Variants in CFAP44 observed in about 807,000 individuals in gnomAD.
CFAP44 encodes the protein cilia and flagella associated protein 44, also known as cilia- and flagella-associated protein 44.
Under a neutral mutation model 216.2 loss-of-function variants are expected in CFAP44, and 134 were observed. The ratio of observed to expected loss-of-function variants is 0.62; its 90% confidence interval spans 0.54 to 0.72. The LOEUF is 0.72. Among genes scored for constraint, CFAP44 ranks in the 30% least tolerant of loss-of-function variants. CFAP44 has a pLI of 0.00. For missense variants in CFAP44, 2,035 were observed against 2,182.1 expected (o/e 0.93, Z 1.34); for synonymous variants, 700 against 727.6 (o/e 0.96, Z 0.61).
At chr3:113,326,394 T>G in intron 28 of CFAP44, 51 bp downstream of exon 28, 1 of 1,426,502 alleles carries the variant, frequency 7.0e-7, no homozygotes, top group Non-Finnish European at 9.1e-7. Flanking sequence ...TACCTCTCTA[T>G]TTCATGTTAA....
intron 15 of CFAP44, among the ~76,000 whole-genome samples, chr3:113,387,545 A>G (rs1341526155): frequency 6.6e-6 from 1 of 152,264 alleles, no homozygotes; most frequent in East Asian, 1.9e-4. Context: ...AGTGATGGCC[A>G]GGTAGTACAC....
chr3:113,301,739 C>T (rs550953109), intron 32 of CFAP44, among the ~76,000 whole-genome samples: 11 of 152,284 alleles, frequency 7.2e-5, no homozygotes, highest in Middle Eastern at 3.4e-3. Flanking sequence ...AGCTAATTAA[C>T]TTAAGCATTG....
chr3:113,315,886 C>A (rs537233997), intron 28 of CFAP44, among the ~76,000 whole-genome samples: 1 of 152,278 alleles, frequency 6.6e-6, no homozygotes, highest in African/African-American at 2.4e-5. Flanking sequence ...AGCTAAGCTA[C>A]TATGTTTGGT....
chr3:113,401,875 A>G (rs1479227241), intron 9 of CFAP44, 136 bp from the exon 10 acceptor site: 2 of 944,168 alleles, frequency 2.1e-6, no homozygotes, highest in Non-Finnish European at 3.0e-6. Context: ...AACAAGTGTG[A>G]TAAGAACACC....
At chr3:113,392,458 A>G (rs1933869559) in intron 15 of CFAP44, among the ~76,000 whole-genome samples, 1 of 128,128 alleles carries the variant, frequency 7.8e-6, no homozygotes, top group South Asian at 2.5e-4. Flanking sequence ...TATGAGTAAG[A>G]AAAAATACAT....
At chr3:113,391,702 T>C (rs1180051248) in intron 15 of CFAP44, among the ~76,000 whole-genome samples, 1 of 150,712 alleles carries the variant, frequency 6.6e-6, no homozygotes, top group Non-Finnish European at 1.5e-5. Context: ...AACAACTCTA[T>C]GGGGGAAAAA....
At chr3:113,441,282 C>T (rs79955813) in intron 1 of CFAP44, among the ~76,000 whole-genome samples, 171 bp downstream of exon 1, 3,917 of 152,300 alleles carry the variant, frequency 0.026, 65 homozygotes, top group East Asian at 0.053. Flanking sequence ...TGTCTAGCTC[C>T]GAGCCTGAGA....
intron 15 of CFAP44, among the ~76,000 whole-genome samples, chr3:113,390,563 T>G (rs1419888115): frequency 6.6e-6 from 1 of 152,156 alleles, no homozygotes; most frequent in Non-Finnish European, 1.5e-5. Context: ...TTATCCTTGT[T>G]TGCAGATTAT....
chr3:113,406,979 C>A lies in CFAP44; in HGVS notation c.953G>T (p.Gly318Val), dbSNP rs758395593. The change falls in exon 8 of 35, where the codon GGC becomes GTC. Residue 318 changes from glycine to valine, a missense_variant. Gly to Val is a moderately radical substitution (Grantham distance 109, BLOSUM62 -3). Coordinates refer to ENST00000393845, the MANE Select transcript of CFAP44 (RefSeq NM_001164496.2). ...LKLQGSLGRFGKTITTDIEGY... is the reference protein window; with the variant it reads ...LKLQGSLGRFVKTITTDIEGY... ...TTCTATATCAGTAGTGATTGTTTTG[C>A]CAAATCGACCTAGTGATCCCTGCAG... The A allele has an allele frequency of 6.2e-7, 1 of 1,614,002 alleles. No individual in the cohort carries two copies. The highest frequency in any genetic ancestry group is 1.7e-5 in the Admixed American group (1 of 59,998).
At chr3:113,374,392 T>C (rs188788498) in intron 17 of CFAP44, among the ~76,000 whole-genome samples, 2,362 of 150,848 alleles carry the variant, frequency 0.016, 63 homozygotes, top group African/African-American at 0.054. Context: ...TATTTATTTA[T>C]TTATTTATTA....
intron 7 of CFAP44, among the ~76,000 whole-genome samples, chr3:113,408,174 A>G (rs1164141451): frequency 1.3e-5 from 2 of 152,220 alleles, no homozygotes; most frequent in Non-Finnish European, 2.9e-5. Context: ...TCTCTTAGAG[A>G]CACTGATAAT....
chr3:113,377,656 C>A (rs6777880), intron 17 of CFAP44, among the ~76,000 whole-genome samples: 3 of 151,896 alleles, frequency 2.0e-5, no homozygotes, highest in Admixed American at 6.6e-5. Context: ...CAAACAAAAA[C>A]ATATATATAT....
chr3:113,439,119 T>C (rs1482536792), intron 1 of CFAP44, among the ~76,000 whole-genome samples: 1 of 152,206 alleles, frequency 6.6e-6, no homozygotes, highest in Non-Finnish European at 1.5e-5. Flanking sequence ...TTTGCAGGAC[T>C]AGCATAAATT....
chr3:113,397,972 C>T (rs1353985791), intron 13 of CFAP44, among the ~76,000 whole-genome samples: 1 of 152,120 alleles, frequency 6.6e-6, no homozygotes, highest in Non-Finnish European at 1.5e-5. Context: ...TGTAAACCTA[C>T]CAATGTTGGA....
intron 18 of CFAP44, among the ~76,000 whole-genome samples, chr3:113,372,637 G>A (rs570801249): frequency 6.6e-6 from 1 of 152,288 alleles, no homozygotes; most frequent in African/African-American, 2.4e-5. Context: ...TAAATGATGA[G>A]TTGATAGGTG....
Position 113,296,849 on chromosome 3 carries a change from T to C in CFAP44, c.5114A>G (p.Lys1705Arg). 3 of 1,537,350 alleles carry C rather than the reference T, an allele frequency of 2.0e-6. No homozygotes were observed. The highest frequency in any genetic ancestry group is 2.6e-6 in the Non-Finnish European group (3 of 1,146,926). ...EETVRQLMIS[K>R]FGRVVNLEAL... is the part of the protein sequence containing the mutation. ...TTCTAGATTTACCACACGGCCAAACTTGCTGATCATGAGCTGCCGGACTGT... is the reference window on the plus strand; with the variant it reads ...TTCTAGATTTACCACACGGCCAAACCTGCTGATCATGAGCTGCCGGACTGT... The change falls in exon 33 of 35, where the codon AAG (lysine) becomes AGG (arginine). Residue 1705 changes from lysine to arginine, a missense_variant. This residue lies in a region of CFAP44 where 1,883 missense variants were observed against 2,023.7 expected (regional missense o/e 0.93). Transcript: ENST00000393845.
intron 6 of CFAP44, among the ~76,000 whole-genome samples, chr3:113,415,141 T>G (rs1251541757): frequency 6.6e-6 from 1 of 152,216 alleles, no homozygotes; most frequent in African/African-American, 2.4e-5. Context: ...TTTTCTAGTT[T>G]ATTTGCATAG....
chr3:113,398,308 C>T (rs968048999), intron 13 of CFAP44, among the ~76,000 whole-genome samples: 1 of 151,984 alleles, frequency 6.6e-6, no homozygotes, highest in Non-Finnish European at 1.5e-5. Flanking sequence ...AGGAAGGAGG[C>T]CCTAACTCTA....
At chr3:113,400,667 C>G (rs1327339212) in intron 11 of CFAP44, 23 bp from the exon 12 acceptor site, 2 of 1,588,548 alleles carry the variant, frequency 1.3e-6, no homozygotes, top group South Asian at 1.1e-5. Context: ...AGACAGCTTA[C>G]TAGATCTCAA....
Sources: gnomAD v4.1 joint callset for allele counts (sites outside exome capture counted in the v4.1 genomes callset) on GRCh38, gnomAD v4.1.1 for gene constraint, gnomAD v4.1.1 regional missense constraint, MANE v1.5 for transcripts, NCBI Gene and HGNC (gene_info 2026-07-23, HGNC 2026-07-21) for gene names.